The following LRRTM4 variants were observed in gnomAD, a reference collection of about 807,000 sequenced individuals.
LRRTM4 encodes leucine-rich repeat transmembrane neuronal protein 4.
LRRTM4 carries 25 observed loss-of-function variants against 47.6 expected under a neutral mutation model. The ratio of observed to expected loss-of-function variants is 0.53; its 90% CI spans 0.38 to 0.73. LRRTM4 has a LOEUF of 0.73. LRRTM4 is among the 30% of genes least tolerant of loss of function. LRRTM4 has a pLI of 0.00. For synonymous variants in LRRTM4, 311 were observed against 269.5 expected (o/e 1.15, Z -1.51); for missense variants, 638 against 713.4 (o/e 0.89, Z 1.20).
chr2:77,335,079 T>C (rs1463035456), intron 3 of LRRTM4, among the ~76,000 whole-genome samples: 1 of 152,178 alleles, frequency 6.6e-6, no homozygotes, highest in Admixed American at 6.5e-5. Context: ...TAGATACTAG[T>C]AATATGTTAC....
Position 76,926,562 on chromosome 2 carries a change from T to C in LRRTM4, c.1552-177646A>G, listed in dbSNP as rs151235253. On this transcript the variant is annotated intron_variant, in intron 3 of 3. Transcript: ENST00000409884. The stretch of plus-strand genomic sequence containing the variant: ...GCAACAGTGTTTGGAGCTGGGGGCT[T>C]TATTAGTGGTGATTAGGCCAGGAGG... Among the ~76,000 whole-genome samples, 50 of 152,226 alleles carry C rather than the reference T, an allele frequency of 3.3e-4. 1 individual carries two copies. Among genetic ancestry groups the C allele is most frequent in the Admixed American group, 3.1e-3 (48 of 15,276 alleles).
Position 77,109,814 on chromosome 2 carries a change from C to G in LRRTM4, c.1552-360898G>C, listed in dbSNP as rs375031357. Among the ~76,000 whole-genome samples the G allele has an allele frequency of 4.0e-5, 6 of 151,350 alleles. No homozygotes were observed. The South Asian group carries it at 1.2e-3, about 32-fold the overall frequency. On this transcript the variant is annotated intron_variant, in intron 3 of 3. Transcript: ENST00000409884. ...CATAACAACACAAAAAAGTCCAGCA[C>G]AATTGGAAAAATGAAATAAGAGAAC...
chr2:77,314,449 A>C (rs1677560737), intron 3 of LRRTM4, among the ~76,000 whole-genome samples: 1 of 152,198 alleles, frequency 6.6e-6, no homozygotes, highest in Non-Finnish European at 1.5e-5. Flanking sequence ...CATTTTATAG[A>C]TATATCTAAA....
intron 3 of LRRTM4, among the ~76,000 whole-genome samples, chr2:77,060,277 G>A (rs972253604): frequency 3.3e-5 from 5 of 152,110 alleles, no homozygotes; most frequent in Admixed American, 1.3e-4. Flanking sequence ...AAAATTTACT[G>A]GTGATTTTTT....
intron 3 of LRRTM4, among the ~76,000 whole-genome samples, chr2:77,515,581 T>C (rs1047485023): frequency 2.0e-5 from 3 of 151,762 alleles, no homozygotes; most frequent in African/African-American, 7.2e-5. Context: ...CTTTATTGGG[T>C]AGAGTTTGGT....
At chr2:77,498,377 C>G (rs1246934924) in intron 3 of LRRTM4, among the ~76,000 whole-genome samples, 1 of 151,796 alleles carries the variant, frequency 6.6e-6, no homozygotes, top group Non-Finnish European at 1.5e-5. Flanking sequence ...TTCCCTGAGG[C>G]TAGTTTCCTC....
chr2:77,460,510 G>C (rs918844650), intron 3 of LRRTM4, among the ~76,000 whole-genome samples: 2 of 152,064 alleles, frequency 1.3e-5, no homozygotes, highest in Non-Finnish European at 2.9e-5. Context: ...AGTTTCCCAG[G>C]TGGTTTATTT....
Position 77,123,213 on chromosome 2 carries a change from CAGAGAG to C in LRRTM4, c.1552-374303_1552-374298del, listed in dbSNP as rs56149151. On this transcript the variant is annotated intron_variant, in intron 3 of 3. Transcript: ENST00000409884. ...TCCTTTGTGTTCAGCTTCAGTCTCACAGAGAGAGAGAGAGAGAGAGAGAGAGAGAGA... is the reference window on the plus strand; with the variant it reads ...TCCTTTGTGTTCAGCTTCAGTCTCACAGAGAGAGAGAGAGAGAGAGAGAGA... Among the ~76,000 whole-genome samples the C allele has an allele frequency of 1.8e-4, 26 of 142,972 alleles. No individual in the cohort carries two copies. In the Middle Eastern group the frequency reaches 0.011, roughly 61 times the overall value. The allele number at this position is 142,972 out of a possible 152,430, so 93.8% of individuals were successfully genotyped here.
At chr2:77,326,812 A>G (rs1670794678) in intron 3 of LRRTM4, among the ~76,000 whole-genome samples, 1 of 152,190 alleles carries the variant, frequency 6.6e-6, no homozygotes, top group Admixed American at 6.5e-5. Flanking sequence ...AACGTGTTAT[A>G]TCCTACCAGC....
chr2:77,452,899 T>C (rs991033990), intron 3 of LRRTM4, among the ~76,000 whole-genome samples: 2 of 152,138 alleles, frequency 1.3e-5, no homozygotes, highest in African/African-American at 4.8e-5. Context: ...GTTTATTCAG[T>C]GCTCTCTACC....
chr2:77,397,081 A>T (rs951494763), intron 3 of LRRTM4, among the ~76,000 whole-genome samples: 1 of 151,878 alleles, frequency 6.6e-6, no homozygotes, highest in African/African-American at 2.4e-5. Context: ...AACTAATAAT[A>T]ATATATACAA....
At chr2:77,059,646 G>A (rs1378407019) in intron 3 of LRRTM4, among the ~76,000 whole-genome samples, 1 of 152,130 alleles carries the variant, frequency 6.6e-6, no homozygotes, top group Non-Finnish European at 1.5e-5. Context: ...ATTCTGTTAT[G>A]GGCATGTTCT....
At chr2:77,045,181 A>G (rs1449697901) in intron 3 of LRRTM4, among the ~76,000 whole-genome samples, 2 of 152,000 alleles carry the variant, frequency 1.3e-5, no homozygotes, top group Non-Finnish European at 2.9e-5. Context: ...ACACAGAAAT[A>G]TGTGAATTTA....
intron 3 of LRRTM4, among the ~76,000 whole-genome samples, chr2:77,161,782 T>C (rs1263833201): frequency 2.0e-5 from 3 of 152,220 alleles, no homozygotes; most frequent in African/African-American, 7.2e-5. Flanking sequence ...AAATGTCTTA[T>C]TTATTTTCTT....
chr2:76,943,788 T>A (rs944303119), intron 3 of LRRTM4, among the ~76,000 whole-genome samples: 1 of 152,208 alleles, frequency 6.6e-6, no homozygotes, highest in African/African-American at 2.4e-5. Context: ...AATCCACTCA[T>A]GTGTTTAAGC....
At chr2:77,462,146 CTCT>C (rs1296842946) in intron 3 of LRRTM4, among the ~76,000 whole-genome samples, 1 of 152,040 alleles carries the variant, frequency 6.6e-6, no homozygotes, top group African/African-American at 2.4e-5. Context: ...CCATACAAAA[CTCT>C]TATTATGCCC....
At position 77,522,136 on chromosome 2, in the gene LRRTM4, G is replaced by T. The variant is rs551529022; in HGVS notation, c.-175C>A. Reference sequence around the variant, plus strand: ...GGCATTCCTTATTGTGCTGGCTTTTGCCATTCCCAGATAAAGCAATTCATC... The same window carrying T: ...GGCATTCCTTATTGTGCTGGCTTTTTCCATTCCCAGATAAAGCAATTCATC... On this transcript the variant is annotated 5_prime_UTR_variant, in exon 1 of 4. Transcript: ENST00000409884. 3.1e-5 allele frequency: 22 copies of T among 715,964 alleles called. No individual in the cohort carries two copies. Among genetic ancestry groups the T allele is most frequent in the Non-Finnish European group, 5.2e-6 (2 of 384,156 alleles). 44.4% of individuals were successfully genotyped at this position (715,964 alleles called of 1,614,324 possible). A position where few individuals can be genotyped will look rare whatever the true frequency, so the allele number is the denominator to read the frequency against.
At chr2:76,750,385 T>TGGTA (rs1271026080) in intron 3 of LRRTM4, among the ~76,000 whole-genome samples, 3 of 152,174 alleles carry the variant, frequency 2.0e-5, no homozygotes, top group Non-Finnish European at 4.4e-5. Flanking sequence ...GTTGTAGGGG[T>TGGTA]GGTAGCTACT....
Position 77,122,278 on chromosome 2 carries a change from A to C in LRRTM4, c.1552-373362T>G, listed in dbSNP as rs190704896. ...ATGACCTTAGTGCAACATCAAGTAC[A>C]TTAAGAATATTTGTATAGCATAAAA... On this transcript the variant is annotated intron_variant, in intron 3 of 3. Transcript: ENST00000409884. 2.0e-5 allele frequency among the ~76,000 whole-genome samples: 3 copies of C among 151,766 alleles called. No homozygotes were observed. The East Asian group carries it at 5.8e-4, about 29-fold the overall frequency.
Sources: gnomAD v4.1 joint callset for allele counts (sites outside exome capture counted in the v4.1 genomes callset) on GRCh38, gnomAD v4.1.1 for gene constraint, MANE v1.5 for transcripts, NCBI Gene and HGNC (gene_info 2026-07-23, HGNC 2026-07-21) for gene names.